The following DOK6 variants were observed in gnomAD, a reference collection of about 807,000 sequenced individuals.
The protein encoded by DOK6 is docking protein 6.
In DOK6, 22 loss-of-function variants were observed where a neutral mutation model predicts 44.0. The ratio of observed to expected loss-of-function variants is 0.50; its 90% CI spans 0.36 to 0.71. DOK6 has a LOEUF of 0.71. Ranked by LOEUF, DOK6 falls within the 30% of genes least tolerant of loss-of-function variation. The pLI is 0.00. For missense variants in DOK6, 340 were observed against 416.4 expected (o/e 0.82, Z 1.60); for synonymous variants, 166 against 145.5 (o/e 1.14, Z -1.01).
At chr18:69,419,044 C>T (rs1978413647) in intron 1 of DOK6, among the ~76,000 whole-genome samples, 1 of 151,944 alleles carries the variant, frequency 6.6e-6, no homozygotes, top group African/African-American at 2.4e-5. Flanking sequence ...TACATTTGCC[C>T]ATAGAATACC....
At chr18:69,666,984 C>T (rs1340113126) in intron 3 of DOK6, among the ~76,000 whole-genome samples, 1 of 150,742 alleles carries the variant, frequency 6.6e-6, no homozygotes, top group Middle Eastern at 3.2e-3. Flanking sequence ...CACTGTGCTC[C>T]CAGAAGGACC....
chr18:69,617,586 G>GAC (rs1458435096), intron 3 of DOK6, among the ~76,000 whole-genome samples: 8 of 94,670 alleles, frequency 8.5e-5, no homozygotes, highest in East Asian at 8.3e-4. Flanking sequence ...GAAAGAGAGA[G>GAC]AGACAGAAAA....
intron 7 of DOK6, among the ~76,000 whole-genome samples, chr18:69,838,090 TA>T (rs35810905): frequency 6.9e-6 from 1 of 145,330 alleles, no homozygotes; most frequent in African/African-American, 2.6e-5. Flanking sequence ...TTCTAGGATT[TA>T]AAAAAAGTGT....
intron 7 of DOK6, among the ~76,000 whole-genome samples, chr18:69,796,869 G>T (rs540317668): frequency 6.6e-6 from 1 of 152,124 alleles, no homozygotes. Flanking sequence ...CTCCTCCTAA[G>T]GCTGATGTCT....
chr18:69,407,534 C>T (rs1354983150), intron 1 of DOK6, among the ~76,000 whole-genome samples: 2 of 152,144 alleles, frequency 1.3e-5, no homozygotes, highest in South Asian at 2.1e-4. Context: ...AGATAGGGAA[C>T]ATTTTCATTA....
chr18:69,509,447 C>T (rs1049828930), intron 1 of DOK6, among the ~76,000 whole-genome samples: 4 of 151,918 alleles, frequency 2.6e-5, no homozygotes, highest in Admixed American at 1.3e-4. Flanking sequence ...ACCATCCTGG[C>T]TAACATGGTG....
At chr18:69,838,869 C>T (rs1982126781) in intron 7 of DOK6, among the ~76,000 whole-genome samples, 1 of 148,950 alleles carries the variant, frequency 6.7e-6, no homozygotes, top group South Asian at 2.2e-4. Context: ...TCCTGCAGCT[C>T]CTCCCCTAGT....
At chr18:69,609,486 GAAATAAAT>G (rs58206678) in intron 3 of DOK6, among the ~76,000 whole-genome samples, 1 of 148,178 alleles carries the variant, frequency 6.7e-6, no homozygotes, top group African/African-American at 2.6e-5. Context: ...GCTATTACAA[GAAATAAAT>G]AAATAAATAA....
At chr18:69,401,597 A>T (rs924904250) in intron 1 of DOK6, among the ~76,000 whole-genome samples, 2 of 152,114 alleles carry the variant, frequency 1.3e-5, no homozygotes, top group African/African-American at 4.8e-5. Context: ...TGTCAGTTCC[A>T]ACGAGGAACG....
At chr18:69,661,842 C>G (rs1427574165) in intron 3 of DOK6, 1 of 152,186 alleles carries the variant, frequency 6.6e-6, no homozygotes, top group Non-Finnish European at 1.5e-5. Context: ...TCACCCCTAA[C>G]TGTAAATACA....
At chr18:69,437,221 A>G (rs1197274762) in intron 1 of DOK6, among the ~76,000 whole-genome samples, 2 of 152,166 alleles carry the variant, frequency 1.3e-5, no homozygotes, top group African/African-American at 4.8e-5. Flanking sequence ...ATAGTCATGA[A>G]GTCTTTGCCC....
chr18:69,734,205 T>C (rs990532595), intron 5 of DOK6, among the ~76,000 whole-genome samples: 4 of 151,714 alleles, frequency 2.6e-5, no homozygotes, highest in Non-Finnish European at 5.9e-5. Flanking sequence ...CAGCTTTCCC[T>C]AACTGACTTG....
At chr18:69,576,898 A>C (rs907494218) in intron 2 of DOK6, among the ~76,000 whole-genome samples, 4 of 152,188 alleles carry the variant, frequency 2.6e-5, no homozygotes, top group African/African-American at 4.8e-5. Context: ...TTAATAAAAT[A>C]AATATGAGTT....
At chr18:69,446,038 C>A (rs1568260458) in intron 1 of DOK6, among the ~76,000 whole-genome samples, 11 of 146,740 alleles carry the variant, frequency 7.5e-5, no homozygotes. Flanking sequence ...ATTTATATTT[C>A]TTTTTTTATT....
chr18:69,723,338 T>A (rs1686704159), intron 5 of DOK6, among the ~76,000 whole-genome samples: 1 of 152,210 alleles, frequency 6.6e-6, no homozygotes, highest in Admixed American at 6.5e-5. Context: ...TAGCAAAGTG[T>A]TTTTTGTTCC....
chr18:69,704,838 T>G (rs887802153), intron 5 of DOK6: 6 of 152,028 alleles, frequency 3.9e-5, no homozygotes, highest in Non-Finnish European at 5.9e-5. Flanking sequence ...TTTTCCCCCC[T>G]CTACCCACCC....
At chr18:69,725,512 G>A (rs1978301921) in intron 5 of DOK6, among the ~76,000 whole-genome samples, 1 of 152,174 alleles carries the variant, frequency 6.6e-6, no homozygotes, top group African/African-American at 2.4e-5. Flanking sequence ...TATTGAGACA[G>A]TGTCTCACTC....
intron 1 of DOK6, among the ~76,000 whole-genome samples, chr18:69,484,463 G>C (rs1980516740): frequency 6.6e-6 from 1 of 151,948 alleles, no homozygotes; most frequent in Non-Finnish European, 1.5e-5. Context: ...TTCGAGTTTT[G>C]TATTTTGTAT....
chr18:69,577,382 G>A (rs1365620858), intron 2 of DOK6, among the ~76,000 whole-genome samples: 1 of 152,120 alleles, frequency 6.6e-6, no homozygotes, highest in Non-Finnish European at 1.5e-5. Flanking sequence ...TTCCCAAAGT[G>A]ATCATGATTT....
Sources: gnomAD v4.1 joint callset for allele counts (sites outside exome capture counted in the v4.1 genomes callset) on GRCh38, gnomAD v4.1.1 for gene constraint, MANE v1.5 for transcripts, NCBI Gene and HGNC (gene_info 2026-07-23, HGNC 2026-07-21) for gene names.